The following SCML4 variants were observed in gnomAD, a reference collection of about 807,000 sequenced individuals.
SCML4 encodes the protein Scm polycomb group protein like 4.
Under a neutral mutation model 41.1 loss-of-function variants are expected in SCML4, and 34 were observed. The ratio of observed to expected loss-of-function variants is 0.83; its 90% CI spans 0.63 to 1.10. The LOEUF (loss-of-function observed/expected upper bound fraction) is 1.10. SCML4 is among the 50% of genes least tolerant of loss of function. The pLI, the probability that SCML4 is intolerant of heterozygous loss-of-function variation, is 0.00. For synonymous variants in SCML4, 214 were observed against 220.9 expected, an observed-to-expected ratio of 0.97 and a Z score of 0.28; for missense variants, 522 against 534.1, an observed-to-expected ratio of 0.98 and a Z score of 0.22.
At chr6:107,782,190 A>G (rs1466244180) in intron 1 of SCML4, among the ~76,000 whole-genome samples, 1 of 152,258 alleles carries the variant, frequency 6.6e-6, no homozygotes, top group African/African-American at 2.4e-5. Context: ...ATTTTGAAGC[A>G]TGAGCAATAG....
chr6:107,746,969 G>T, intron 3 of SCML4, 80 bp from the exon 4 acceptor site: 2 of 1,222,754 alleles, frequency 1.6e-6, no homozygotes, highest in Non-Finnish European at 2.3e-6. Context: ...CACGGGGGAT[G>T]CCTCAGCCAT....
intron 3 of SCML4, 107 bp downstream of exon 3, chr6:107,749,577 T>A: frequency 5.1e-6 from 7 of 1,366,482 alleles, no homozygotes; most frequent in Non-Finnish European, 6.1e-6. Context: ...ATCGCTCATT[T>A]GAGCCATCTC....
intron 1 of SCML4, among the ~76,000 whole-genome samples, chr6:107,789,437 G>A (rs768707545): frequency 1.3e-5 from 2 of 152,132 alleles, no homozygotes; most frequent in East Asian, 3.8e-4. Flanking sequence ...CCCTTTCCAG[G>A]CGGGTTCCTC....
At chr6:107,778,247 A>G (rs1334361719) in intron 1 of SCML4, among the ~76,000 whole-genome samples, 3 of 63,126 alleles carry the variant, frequency 4.8e-5, no homozygotes, top group African/African-American at 1.5e-4. Context: ...ATATATATAT[A>G]TATATATATA....
chr6:107,766,416 C>G (rs546579317), intron 2 of SCML4, among the ~76,000 whole-genome samples: 4 of 150,810 alleles, frequency 2.7e-5, no homozygotes, highest in African/African-American at 9.8e-5. Flanking sequence ...GCTATGATCT[C>G]GCTCCTGAAT....
At chr6:107,778,160 T>C (rs1234055722) in intron 1 of SCML4, among the ~76,000 whole-genome samples, 1 of 133,846 alleles carries the variant, frequency 7.5e-6, no homozygotes. Context: ...GCCACTGCAC[T>C]TCAGCCTGGA....
intron 2 of SCML4, among the ~76,000 whole-genome samples, chr6:107,764,897 C>T (rs547486828): frequency 1.2e-4 from 19 of 152,288 alleles, no homozygotes; most frequent in Non-Finnish European, 2.5e-4. Flanking sequence ...CTCGTTCTCT[C>T]TTATCTGCCA....
At chr6:107,771,046 A>T (rs1416502073) in intron 2 of SCML4, among the ~76,000 whole-genome samples, 1 of 152,190 alleles carries the variant, frequency 6.6e-6, no homozygotes, top group African/African-American at 2.4e-5. Context: ...TAGAAGAACA[A>T]CCAGTGAGAG....
chr6:107,744,801 A>G, intron 5 of SCML4, 148 bp downstream of exon 5: 1 of 656,752 alleles, frequency 1.5e-6, no homozygotes, highest in East Asian at 2.9e-5. Context: ...CCAGCTACAA[A>G]TATTTCCCAG....
chr6:107,772,529 A>ACTAGATGCATTTACGATGCTGTTGGGCCT, intron 1 of SCML4, 143 bp from the exon 2 acceptor site: 1 of 530,874 alleles, frequency 1.9e-6, no homozygotes, highest in Non-Finnish European at 3.3e-6. Context: ...GCTAGGTACC[A>ACTAGATGCATTTACGATGCTGTTGGGCCT]CTAGATGCAT....
intron 7 of SCML4, among the ~76,000 whole-genome samples, chr6:107,705,789 C>A (rs1042353457): frequency 1.3e-5 from 2 of 152,178 alleles, no homozygotes; most frequent in African/African-American, 4.8e-5. Flanking sequence ...ACTCATTCCA[C>A]CTATGGAAGA....
At chr6:107,766,199 G>C (rs902811301) in intron 2 of SCML4, among the ~76,000 whole-genome samples, 1 of 152,006 alleles carries the variant, frequency 6.6e-6, no homozygotes, top group African/African-American at 2.4e-5. Context: ...GTGAAATCCC[G>C]TCTCTACTAA....
intron 2 of SCML4, among the ~76,000 whole-genome samples, chr6:107,758,854 G>T (rs1253745684): frequency 6.6e-6 from 1 of 152,162 alleles, no homozygotes; most frequent in African/African-American, 2.4e-5. Context: ...GTAGTTCTTT[G>T]TTACAGCAGC....
At chr6:107,705,353 A>G in intron 7 of SCML4, 28 bp from the exon 8 acceptor site, 1 of 1,549,998 alleles carries the variant, frequency 6.5e-7, no homozygotes, top group Non-Finnish European at 8.7e-7. Flanking sequence ...GAAGAAAGAT[A>G]AACCCAGAAG....
chr6:107,758,289 A>T (rs1779270405), intron 2 of SCML4, among the ~76,000 whole-genome samples: 1 of 152,224 alleles, frequency 6.6e-6, no homozygotes, highest in Non-Finnish European at 1.5e-5. Flanking sequence ...AAAGCTTTCC[A>T]GGCAGACAGA....
At chr6:107,841,728 T>C in the SCML4 span, among the ~76,000 whole-genome samples, 1 of 152,154 alleles carries the variant, frequency 6.6e-6, no homozygotes, top group Admixed American at 6.5e-5. Context: ...AAATAGAAGA[T>C]AGTATTTTTT....
At chr6:107,756,990 C>A (rs1401715080) in intron 2 of SCML4, among the ~76,000 whole-genome samples, 1 of 152,194 alleles carries the variant, frequency 6.6e-6, no homozygotes, top group Admixed American at 6.5e-5. Flanking sequence ...AGATTCAAAA[C>A]CTCAACCCAG....
At chr6:107,785,448 C>T (rs1451915908) in intron 1 of SCML4, among the ~76,000 whole-genome samples, 1 of 152,224 alleles carries the variant, frequency 6.6e-6, no homozygotes, top group Non-Finnish European at 1.5e-5. Flanking sequence ...GAAAGCCTCC[C>T]ATCTCCTAAG....
chr6:107,714,768 C>T (rs1405690375), intron 6 of SCML4, among the ~76,000 whole-genome samples: 2 of 152,084 alleles, frequency 1.3e-5, no homozygotes, highest in Admixed American at 6.6e-5. Flanking sequence ...AACAGGATTA[C>T]TCATTAGGTA....
Sources: gnomAD v4.1 joint callset for allele counts (sites outside exome capture counted in the v4.1 genomes callset) on GRCh38, gnomAD v4.1.1 for gene constraint, MANE v1.5 for transcripts, NCBI Gene and HGNC (gene_info 2026-07-23, HGNC 2026-07-21) for gene names.